The following NEDD9 variants were observed in gnomAD, a reference collection of about 807,000 sequenced individuals.
The protein encoded by NEDD9 is neural precursor cell expressed, developmentally down-regulated 9.
In NEDD9, 26 loss-of-function variants were observed where a neutral mutation model predicts 76.6. The observed-to-expected ratio is 0.34, with a 90% CI of 0.25 to 0.47. NEDD9 has a LOEUF of 0.47. Ranked by LOEUF, NEDD9 falls within the 20% of genes least tolerant of loss-of-function variation. The pLI is 1.00. For synonymous variants in NEDD9, 392 were observed against 414.2 expected (o/e 0.95, Z 0.65); for missense variants, 937 against 1,058.5 (o/e 0.89, Z 1.59).
chr6:11,211,071 A>G (rs1758776155), intron 2 of NEDD9, among the ~76,000 whole-genome samples: 1 of 152,224 alleles, frequency 6.6e-6, no homozygotes, highest in Non-Finnish European at 1.5e-5. Context: ...GGGCTGGCAC[A>G]GGTCATTTTC....
chr6:11,251,843 C>A (rs536572598), intron 3 of NEDD9: 77 of 152,332 alleles, frequency 5.1e-4, no homozygotes, highest in African/African-American at 1.8e-3. Flanking sequence ...GCCCTCAGAG[C>A]CTTTGACTAA....
intron 1 of NEDD9, among the ~76,000 whole-genome samples, chr6:11,338,383 C>T (rs1217096321): frequency 6.6e-6 from 1 of 152,198 alleles, no homozygotes; most frequent in Admixed American, 6.5e-5. Flanking sequence ...CCCTTGATCT[C>T]AGCCTTTTAG....
At chr6:11,342,478 C>T (rs963217691) in intron 1 of NEDD9, among the ~76,000 whole-genome samples, 1 of 152,126 alleles carries the variant, frequency 6.6e-6, no homozygotes, top group African/African-American at 2.4e-5. Flanking sequence ...ATTACTAGTG[C>T]TCATCAGAAA....
intron 1 of NEDD9, among the ~76,000 whole-genome samples, chr6:11,362,888 A>T (rs1762702552): frequency 1.3e-5 from 2 of 152,226 alleles, no homozygotes; most frequent in Non-Finnish European, 2.9e-5. Context: ...ATTGGAAGGG[A>T]CAGATGTCTA....
upstream of NEDD9, among the ~76,000 whole-genome samples, chr6:11,235,306 G>A (rs1759576266): frequency 6.6e-6 from 1 of 151,920 alleles, no homozygotes; most frequent in Non-Finnish European, 1.5e-5. The surrounding 1 kb of genome is among the most constrained non-coding windows in gnomAD (Gnocchi z 4.1). Context: ...GACTACTGTT[G>A]ATAAGTGTGG....
intron 1 of NEDD9, among the ~76,000 whole-genome samples, chr6:11,365,759 G>T (rs1237818091): frequency 6.6e-6 from 1 of 152,198 alleles, no homozygotes; most frequent in Non-Finnish European, 1.5e-5. Flanking sequence ...GGAGGCCGAG[G>T]TGGGCGGATC....
At chr6:11,260,247 G>T (rs894817368) in intron 3 of NEDD9, among the ~76,000 whole-genome samples, 1 of 152,132 alleles carries the variant, frequency 6.6e-6, no homozygotes, top group Non-Finnish European at 1.5e-5. Context: ...AATGTACATT[G>T]AGAAGCTCCC....
intron 3 of NEDD9, among the ~76,000 whole-genome samples, chr6:11,242,299 CT>C (rs1371331922): frequency 6.6e-6 from 1 of 152,212 alleles, no homozygotes; most frequent in Admixed American, 6.5e-5. Flanking sequence ...TATAAGTTCT[CT>C]TAACTTGCTG....
chr6:11,319,559 GACAC>G (rs759444059), intron 2 of NEDD9, among the ~76,000 whole-genome samples: 1 of 131,838 alleles, frequency 7.6e-6, no homozygotes, highest in African/African-American at 2.8e-5. Context: ...CTAACATGCG[GACAC>G]ACACACTAAT....
At chr6:11,210,664 C>T (rs1285313617) in intron 2 of NEDD9, among the ~76,000 whole-genome samples, 8 of 149,964 alleles carry the variant, frequency 5.3e-5, no homozygotes, top group Non-Finnish European at 1.2e-4. Context: ...GTTGCAATTG[C>T]CTGGAAGGCT....
chr6:11,365,098 C>T (rs564920055), intron 1 of NEDD9, among the ~76,000 whole-genome samples: 49 of 152,258 alleles, frequency 3.2e-4, no homozygotes, highest in Non-Finnish European at 5.6e-4. Flanking sequence ...TTCTGCCACT[C>T]ACCCCCCAGA....
chr6:11,304,406 C>T (rs1057258503), intron 3 of NEDD9, among the ~76,000 whole-genome samples: 3 of 152,154 alleles, frequency 2.0e-5, no homozygotes, highest in Non-Finnish European at 4.4e-5. Flanking sequence ...GGCGGTTCCT[C>T]AAGGATCTAG....
intron 3 of NEDD9, among the ~76,000 whole-genome samples, chr6:11,253,097 GT>G (rs1759942435): frequency 6.6e-6 from 1 of 152,172 alleles, no homozygotes; most frequent in Admixed American, 6.5e-5. Context: ...TCAGGTCATA[GT>G]TTTTTAAGAA....
chr6:11,282,934 G>A (rs149210462), intron 3 of NEDD9, among the ~76,000 whole-genome samples: 138 of 152,292 alleles, frequency 9.1e-4, no homozygotes, highest in African/African-American at 3.0e-3. Flanking sequence ...CAGAAAAGTC[G>A]TTATGATCAC....
intron 3 of NEDD9, among the ~76,000 whole-genome samples, chr6:11,240,483 T>C (rs565498051): frequency 7.9e-5 from 12 of 152,238 alleles, no homozygotes; most frequent in Admixed American, 5.9e-4. Context: ...AACCATGAAA[T>C]AGAACACGTA....
intron 2 of NEDD9, among the ~76,000 whole-genome samples, chr6:11,332,752 G>T (rs114953022): frequency 3.3e-5 from 5 of 152,288 alleles, no homozygotes; most frequent in Admixed American, 2.6e-4. Context: ...GCAATGGCAC[G>T]TTCTCAGCAT....
intron 1 of NEDD9, among the ~76,000 whole-genome samples, chr6:11,379,276 CG>C (rs1408544724): frequency 2.2e-5 from 2 of 92,306 alleles, no homozygotes; most frequent in African/African-American, 8.8e-5. Flanking sequence ...CTGTCAGCAA[CG>C]TTTTTTTCTT....
At chr6:11,332,480 G>A (rs146172535) in intron 2 of NEDD9, among the ~76,000 whole-genome samples, 39 of 152,260 alleles carry the variant, frequency 2.6e-4, no homozygotes, top group African/African-American at 8.4e-4. Flanking sequence ...CGCTACGTCC[G>A]CTTCTCCAAA....
At chr6:11,305,175 C>G in intron 3 of NEDD9, 1 of 1,275,922 alleles carries the variant, frequency 7.8e-7, no homozygotes, top group Non-Finnish European at 1.0e-6. Flanking sequence ...ATACAGAAAA[C>G]AGTTGATCGA....
Sources: allele counts gnomAD v4.1 joint callset (sites outside exome capture counted in the v4.1 genomes callset), GRCh38; gene constraint gnomAD v4.1.1; non-coding constraint Gnocchi (gnomAD v3.1); transcripts MANE v1.5; gene names NCBI Gene and HGNC (gene_info 2026-07-23, HGNC 2026-07-21).